Variants in LSM14B observed in about 807,000 individuals in gnomAD.
The protein encoded by LSM14B is protein LSM14 homolog B.
Under a neutral mutation model 42.1 loss-of-function variants are expected in LSM14B, and 8 were observed. The observed-to-expected ratio is 0.19, with a 90% CI of 0.11 to 0.34. The LOEUF (loss-of-function observed/expected upper bound fraction) is 0.34, where lower values mean the gene tolerates loss of function less well. LSM14B is among the 10% of genes least tolerant of loss of function. LSM14B has a pLI of 1.00. For synonymous variants in LSM14B, 219 were observed against 209.7 expected (o/e 1.04, Z -0.38); for missense variants, 396 against 513.1 (o/e 0.77, Z 2.21).
Position 62,122,686 on chromosome 20 carries a change from C to T in LSM14B, c.20C>T (p.Thr7Ile). ...GCCGCCATGAGCGGCTCCTCAGGCACCCCGTATCTGGGCAGCAAGATCAGC... is the reference window on the plus strand; with the variant it reads ...GCCGCCATGAGCGGCTCCTCAGGCATCCCGTATCTGGGCAGCAAGATCAGC... MSGSSG[T>I]PYLGSKISLI... The change falls in exon 1 of 9, where the codon ACC becomes ATC. Residue 7 changes from threonine (T) to isoleucine (I), a missense_variant. Thr to Ile is a moderately conservative substitution (Grantham distance 89, BLOSUM62 -1). This residue lies in a region of LSM14B where 274 missense variants were observed against 335.8 expected (regional missense o/e 0.82). Coordinates refer to ENST00000279068, the MANE Select transcript of LSM14B (RefSeq NM_144703.3). The surrounding 1 kb of genome is among the most constrained non-coding windows in gnomAD (Gnocchi z 4.6). 2.0e-6 allele frequency: 3 copies of T among 1,489,052 alleles called. No homozygotes were observed. Among genetic ancestry groups the T allele is most frequent in the African/African-American group, 1.5e-5 (1 of 68,578 alleles). 92.2% of individuals were successfully genotyped at this position (1,489,052 alleles called of 1,614,324 possible). A position where few individuals can be genotyped will look rare whatever the true frequency, so the allele number is the denominator to read the frequency against.
rs1233987873 is a variant in LSM14B, at chr20:62,133,572, GGAA to G, written c.*14+103_*14+105del. On this transcript the variant is annotated intron_variant, in intron 8 of 8. Coordinates refer to ENST00000279068, the MANE Select transcript of LSM14B (RefSeq NM_144703.3). ...GGTGGGGAGCAGGCTCGGTTTCCCA[GGAA>G]GAAGAGAGGCCCAGAGGTGTCAAAG... 5 of 1,404,586 alleles carry G rather than the reference GGAA, an allele frequency of 3.6e-6. No homozygotes were observed. The African/African-American group carries it at 5.9e-5, about 16-fold the overall frequency. The allele number at this position is 1,404,586 out of a possible 1,614,324, so 87.0% of individuals were successfully genotyped here.
chr20:62,131,780 C>T (rs1555578), intron 7 of LSM14B, among the ~76,000 whole-genome samples: 16 of 152,120 alleles, frequency 1.1e-4, no homozygotes, highest in Non-Finnish European at 1.5e-4. Context: ...CACCGCCCCC[C>T]CCGGCAGACC....
chr20:62,124,764 A>T lies in LSM14B; in HGVS notation c.275A>T (p.Asp92Val), dbSNP rs757152424. ...PPKAQHTLPQ[D>V]PAIVQSSLGS... ...AAAGCTCAGCACACACTCCCGCAGG[A>T]TCCCGCCATTGTTCAGGTAAGTGTG... Residue 92 changes from aspartate to valine, a missense_variant, in exon 2 of 9, where the codon GAT (aspartate) becomes GTT (valine). Around this residue, in one of 3 missense-constraint regions of LSM14B, gnomAD observed 274 missense variants for 335.8 expected, o/e 0.82. Transcript: ENST00000279068. The T allele has an allele frequency of 6.2e-7, 1 of 1,612,844 alleles. No individual in the cohort carries two copies. The highest frequency in any genetic ancestry group is 8.5e-7 in the Non-Finnish European group (1 of 1,179,410).
intron 6 of LSM14B, 105 bp from the exon 7 acceptor site, chr20:62,131,251 C>G (rs781442358): frequency 3.1e-6 from 4 of 1,310,740 alleles, no homozygotes; most frequent in Admixed American, 2.7e-5. Flanking sequence ...TAGTTGATGT[C>G]TTAGCTTGAG....
intron 6 of LSM14B, among the ~76,000 whole-genome samples, chr20:62,131,072 A>G (rs370743768): frequency 1.5e-4 from 23 of 152,320 alleles, no homozygotes; most frequent in African/African-American, 5.3e-4. Flanking sequence ...AGATGCCTAG[A>G]GGAACCGGGG....
intron 7 of LSM14B, among the ~76,000 whole-genome samples, chr20:62,133,072 C>T (rs559249768): frequency 1.3e-5 from 2 of 152,256 alleles, no homozygotes; most frequent in South Asian, 4.2e-4. Flanking sequence ...AGAGATGGAT[C>T]CCGATCCCCG....
rs1008422991 is a variant in LSM14B, at chr20:62,130,707, T to C, written c.835+16T>C. 1 of 1,611,274 alleles carries C rather than the reference T, an allele frequency of 6.2e-7. No individual in the cohort carries two copies. The highest frequency in any genetic ancestry group is 8.5e-7 in the Non-Finnish European group (1 of 1,179,324). On this transcript the variant is annotated intron_variant, in intron 6 of 8. Transcript: ENST00000279068. This position sits in a 1 kb window ranked among gnomAD's most constrained non-coding sequence, Gnocchi z 4.1. ...AATTTTAAAGGTTTGGCTCATTATATGAAAATTATTCTCTGCACAGGAGTA... is the reference window on the plus strand; with the variant it reads ...AATTTTAAAGGTTTGGCTCATTATACGAAAATTATTCTCTGCACAGGAGTA...
At chr20:62,125,675 G>A (rs2056574479) in intron 2 of LSM14B, among the ~76,000 whole-genome samples, 1 of 152,232 alleles carries the variant, frequency 6.6e-6, no homozygotes, top group Admixed American at 6.5e-5. Flanking sequence ...GACTGCATTA[G>A]GTTCTGTGCT....
At chr20:62,123,968 G>A (rs778220198) in intron 1 of LSM14B, among the ~76,000 whole-genome samples, 1 of 152,218 alleles carries the variant, frequency 6.6e-6, no homozygotes, top group Non-Finnish European at 1.5e-5. Context: ...TTACCAGTTA[G>A]AGGCTGCTGT....
chr20:62,130,416 G>T lies in LSM14B; in HGVS notation c.674-114G>T. On this transcript the variant is annotated intron_variant, in intron 5 of 8. Transcript: ENST00000279068. This position sits in a 1 kb window ranked among gnomAD's most constrained non-coding sequence, Gnocchi z 4.1. ...GGGTGCTGGTGTGAAGTCGCTGCTTGTGTGCTCTGTTCCTTCTGTGGCCTT... is the reference window on the plus strand; with the variant it reads ...GGGTGCTGGTGTGAAGTCGCTGCTTTTGTGCTCTGTTCCTTCTGTGGCCTT... 1.3e-6 allele frequency: 2 copies of T among 1,534,042 alleles called. No individual in the cohort carries two copies. Among genetic ancestry groups the T allele is most frequent in the African/African-American group, 1.4e-5 (1 of 73,056 alleles).
intron 2 of LSM14B, 104 bp downstream of exon 2, chr20:62,124,884 T>TTA: frequency 1.7e-6 from 2 of 1,161,880 alleles, no homozygotes; most frequent in East Asian, 5.8e-5. Flanking sequence ...GGAATAACCT[T>TTA]TTTTTTTTTT....
intron 8 of LSM14B, 87 bp downstream of exon 8, chr20:62,133,562 C>A: frequency 6.9e-7 from 1 of 1,451,448 alleles, no homozygotes; most frequent in Non-Finnish European, 9.2e-7. Flanking sequence ...GGAGCAGGCT[C>A]GGTTTCCCAG....
Position 62,122,961 on chromosome 20 carries a change from ACGCCCCCGAGG to A in LSM14B, c.127+176_127+186del, listed in dbSNP as rs2056448078. Among the ~76,000 whole-genome samples, 1 of 144,336 alleles carries A rather than the reference ACGCCCCCGAGG, an allele frequency of 6.9e-6. No homozygotes were observed. Among genetic ancestry groups the A allele is most frequent in the African/African-American group, 2.6e-5 (1 of 39,000 alleles). 94.7% of individuals were successfully genotyped at this position (144,336 alleles called of 152,430 possible). On this transcript the variant is annotated intron_variant, in intron 1 of 8. Coordinates refer to ENST00000279068, the MANE Select transcript of LSM14B (RefSeq NM_144703.3). This position sits in a 1 kb window ranked among gnomAD's most constrained non-coding sequence, Gnocchi z 4.6. Reference sequence around the variant, plus strand: ...TCCCCTGCCCGCGCCTTCACCCCGGACGCCCCCGAGGCGCCCCCTTCCCGCGCGCCACCCTC... The same window carrying A: ...TCCCCTGCCCGCGCCTTCACCCCGGACGCCCCCTTCCCGCGCGCCACCCTC...
chr20:62,130,312 A>G lies in LSM14B; in HGVS notation c.673+16A>G, dbSNP rs768940431. 4 of 1,578,704 alleles carry G rather than the reference A, an allele frequency of 2.5e-6. No individual in the cohort carries two copies. The highest frequency in any genetic ancestry group is 1.8e-5 in the Admixed American group (1 of 54,354). ...AGGCGATCAGGTAACACCTGTTGCC[A>G]CTTGATTTCTGGGGACCACGAGTGA... On this transcript the variant is annotated intron_variant, in intron 5 of 8. Coordinates refer to ENST00000279068, the MANE Select transcript of LSM14B (RefSeq NM_144703.3). This position sits in a 1 kb window ranked among gnomAD's most constrained non-coding sequence, Gnocchi z 4.1.
chr20:62,131,224 C>T lies in LSM14B; in HGVS notation c.836-132C>T. On this transcript the variant is annotated intron_variant, in intron 6 of 8. Coordinates refer to ENST00000279068, the MANE Select transcript of LSM14B (RefSeq NM_144703.3). Reference sequence around the variant, plus strand: ...ACTTAGAAGGTAGAAGAAGAGATTTCTGCTTTGCACAAGGCATAGTTGATG... The same window carrying T: ...ACTTAGAAGGTAGAAGAAGAGATTTTTGCTTTGCACAAGGCATAGTTGATG... 5 of 1,067,058 alleles carry T rather than the reference C, an allele frequency of 4.7e-6. 1 individual carries two copies. The Middle Eastern group carries it at 9.2e-4, about 196-fold the overall frequency. The allele number at this position is 1,067,058 out of a possible 1,614,324, so 66.1% of individuals were successfully genotyped here.
At position 62,129,885 on chromosome 20, in the gene LSM14B, T is replaced by G. The variant is rs1396690233; in HGVS notation, c.528T>G (p.Pro176=). Residue 176 remains proline, a synonymous_variant, in exon 4 of 9, where the codon CCT becomes CCG. Coordinates refer to ENST00000279068, the MANE Select transcript of LSM14B (RefSeq NM_144703.3). The part of the protein sequence containing the change: ...ADNLNAKKLL[P]GKGTTGTQLN... ...ACCTGAATGCTAAAAAGCTGTTACC[T>G]GGCAAGGGCACCACAGGGACGCAGC... is the stretch of plus-strand genomic sequence containing the variant. 1 of 1,613,384 alleles carries G rather than the reference T, an allele frequency of 6.2e-7. No homozygotes were observed. Among genetic ancestry groups the G allele is most frequent in the Admixed American group, 1.7e-5 (1 of 59,958 alleles).
rs1408281903 is a variant in LSM14B, at chr20:62,134,308, G to C, written c.*160G>C. ...TTGTGTTTTGGACTTAACTGAACTT[G>C]GACATGGTCTGAGTTAGAACCACTT... On this transcript the variant is annotated 3_prime_UTR_variant, in exon 9 of 9. Transcript: ENST00000279068. 1 of 471,810 alleles carries C rather than the reference G, an allele frequency of 2.1e-6. No individual in the cohort carries two copies. The highest frequency in any genetic ancestry group is 4.4e-6 in the Non-Finnish European group (1 of 227,190). 29.2% of individuals were successfully genotyped at this position (471,810 alleles called of 1,614,324 possible). A position where few individuals can be genotyped will look rare whatever the true frequency, so the allele number is the denominator to read the frequency against.
At chr20:62,125,598 C>G (rs759822453) in intron 2 of LSM14B, among the ~76,000 whole-genome samples, 9 of 152,230 alleles carry the variant, frequency 5.9e-5, no homozygotes, top group African/African-American at 1.2e-4. Flanking sequence ...CATGCTCCCC[C>G]AGGGAGCCCA....
rs973793309 is a variant in LSM14B, at chr20:62,130,384, G to T, written c.673+88G>T. ...CTCCTGCCTGCTTCTCTGGTTGACG[G>T]TTTCAGGGGTGCTGGTGTGAAGTCG... On this transcript the variant is annotated intron_variant, in intron 5 of 8. Coordinates refer to ENST00000279068, the MANE Select transcript of LSM14B (RefSeq NM_144703.3). The surrounding 1 kb of genome is among the most constrained non-coding windows in gnomAD (Gnocchi z 4.1). 6.5e-7 allele frequency: 1 copy of T among 1,531,150 alleles called. No individual in the cohort carries two copies. Among genetic ancestry groups the T allele is most frequent in the African/African-American group, 1.4e-5 (1 of 72,738 alleles). The allele number at this position is 1,531,150 out of a possible 1,614,324, so 94.8% of individuals were successfully genotyped here.
Sources: gnomAD v4.1 joint callset for allele counts (sites outside exome capture counted in the v4.1 genomes callset) on GRCh38, gnomAD v4.1.1 for gene constraint, gnomAD v4.1.1 regional missense constraint, Gnocchi (gnomAD v3.1) non-coding constraint, MANE v1.5 for transcripts, NCBI Gene and HGNC (gene_info 2026-07-23, HGNC 2026-07-21) for gene names.